The following KLHL13 variants were observed in gnomAD, a reference collection of about 807,000 sequenced individuals.
The protein encoded by KLHL13 is kelch like family member 13, also known as kelch-like protein 13.
A neutral mutation model predicts 37.1 loss-of-function variants in KLHL13; 10 were observed. The observed-to-expected ratio is 0.27, with a 90% CI of 0.17 to 0.46. The LOEUF is 0.46. KLHL13 is among the 20% of genes least tolerant of loss of function. KLHL13 has a pLI of 1.00. For synonymous variants in KLHL13, 163 were observed against 181.2 expected, an observed-to-expected ratio of 0.90 and a Z score of 0.81; for missense variants, 360 against 509.3, an observed-to-expected ratio of 0.71 and a Z score of 2.82.
At chrX:117,993,647 G>A (rs1321933464) in intron 1 of KLHL13, among the ~76,000 whole-genome samples, 1 of 110,807 alleles carries the variant, frequency 9.0e-6, no homozygotes, top group Non-Finnish European at 1.9e-5. Flanking sequence ...AGGGAGAGAG[G>A]AAGCCCAGAG....
intron 1 of KLHL13, among the ~76,000 whole-genome samples, chrX:118,004,870 C>G (rs2053964353): frequency 1.8e-5 from 2 of 111,421 alleles, no homozygotes; most frequent in South Asian, 7.6e-4. Flanking sequence ...GCAATTCCTG[C>G]TGAAGAAGCA....
intron 1 of KLHL13, among the ~76,000 whole-genome samples, chrX:117,967,550 G>GAT (rs1339497288): frequency 9.0e-6 from 1 of 111,361 alleles, no homozygotes; most frequent in Admixed American, 9.6e-5. Context: ...TCCCTCTGTA[G>GAT]AAAGTGGTTT....
chrX:118,094,261 G>T (rs187200555), intron 1 of KLHL13, among the ~76,000 whole-genome samples: 301 of 111,383 alleles, frequency 2.7e-3, no homozygotes, highest in African/African-American at 9.2e-3. Context: ...CTCAGTAGCC[G>T]ATGCGATCAA....
At chrX:117,901,991 T>A in intron 5 of KLHL13, 45 bp from the exon 7 acceptor site, 5 of 690,129 alleles carry the variant, frequency 7.2e-6, no homozygotes, top group Non-Finnish European at 1.1e-5. Context: ...AACTTCAAAT[T>A]TAGCAATTAA....
At position 118,072,667 on chromosome X, in the gene KLHL13, G is replaced by A. The variant is rs147913400; in HGVS notation, c.-56+43841C>T. On this transcript the variant is annotated intron_variant, in intron 1 of 6. Transcript: ENST00000371882. ...CAAACAACCCCATCAAAAAGTGGGCGAAGGACATGAACAGATTTGTCATTT... is the reference window on the plus strand; with the variant it reads ...CAAACAACCCCATCAAAAAGTGGGCAAAGGACATGAACAGATTTGTCATTT... 9.3e-3 allele frequency among the ~76,000 whole-genome samples: 1,037 copies of A among 111,820 alleles called. 7 individuals carry two copies. Among genetic ancestry groups the A allele is most frequent in the Non-Finnish European group, 0.013 (689 of 53,118 alleles).
At chrX:117,904,222 A>G (rs965111192) in intron 5 of KLHL13, among the ~76,000 whole-genome samples, 1 of 111,568 alleles carries the variant, frequency 9.0e-6, no homozygotes, top group Admixed American at 9.6e-5. Flanking sequence ...TTTTATTGTC[A>G]ACTTTTATTG....
intron 1 of KLHL13, among the ~76,000 whole-genome samples, chrX:118,032,152 C>T (rs1444794798): frequency 2.7e-5 from 3 of 111,274 alleles, no homozygotes; most frequent in Non-Finnish European, 5.6e-5. Context: ...AAGGCGGCAG[C>T]GAGGCTGGGG....
At chrX:118,012,425 G>A (rs2054080033) in intron 1 of KLHL13, among the ~76,000 whole-genome samples, 1 of 110,003 alleles carries the variant, frequency 9.1e-6, no homozygotes, top group South Asian at 4.0e-4. Context: ...CTGCATTCTT[G>A]GCTTGTGGCA....
At chrX:118,017,480 C>T (rs764433299) in intron 1 of KLHL13, among the ~76,000 whole-genome samples, 4 of 111,270 alleles carry the variant, frequency 3.6e-5, no homozygotes, top group African/African-American at 1.3e-4. Context: ...AATGAACTAA[C>T]CAATTGGTTA....
At chrX:118,051,550 A>G (rs1355306345) in intron 1 of KLHL13, among the ~76,000 whole-genome samples, 3 of 110,429 alleles carry the variant, frequency 2.7e-5, no homozygotes, top group African/African-American at 9.9e-5. Flanking sequence ...CAAAAAAAGT[A>G]ATAAATAAAT....
At chrX:117,973,885 A>C, upstream of KLHL13, 30 of 182,053 alleles carry the variant, frequency 1.6e-4, no homozygotes, top group East Asian at 5.7e-4. Flanking sequence ...AAAGACCAAC[A>C]CTGCTGGCCA....
intron 5 of KLHL13, among the ~76,000 whole-genome samples, chrX:117,903,658 A>G (rs184249073): frequency 1.7e-3 from 184 of 111,014 alleles, no homozygotes; most frequent in African/African-American, 5.9e-3. Context: ...TCGCCACATA[A>G]GAGAAAACCT....
chrX:117,985,970 A>C (rs1385113600), intron 1 of KLHL13, among the ~76,000 whole-genome samples: 1 of 111,234 alleles, frequency 9.0e-6, no homozygotes, highest in Non-Finnish European at 1.9e-5. Context: ...ATAAAACTAC[A>C]CATGATGTAA....
chrX:118,030,999 T>C (rs1221951511), intron 1 of KLHL13, among the ~76,000 whole-genome samples: 1 of 111,693 alleles, frequency 9.0e-6, no homozygotes, highest in Non-Finnish European at 1.9e-5. Context: ...ATTCAGATTC[T>C]CCAGAAAATA....
At chrX:117,963,943 C>G (rs2053358177) in intron 1 of KLHL13, among the ~76,000 whole-genome samples, 1 of 88,104 alleles carries the variant, frequency 1.1e-5, no homozygotes, top group Admixed American at 1.4e-4. Flanking sequence ...ATCGCAAGAA[C>G]AAAAAACCAA....
chrX:117,919,218 T>A (rs182879435), intron 4 of KLHL13, among the ~76,000 whole-genome samples: 2 of 112,052 alleles, frequency 1.8e-5, no homozygotes, highest in Admixed American at 9.5e-5. Context: ...GAGACGGGCT[T>A]TCTCCATGTT....
chrX:117,995,255 T>C (rs1002079255), intron 1 of KLHL13, among the ~76,000 whole-genome samples: 1 of 111,336 alleles, frequency 9.0e-6, no homozygotes, highest in Non-Finnish European at 1.9e-5. Context: ...ACTAATAATT[T>C]CTCATAAAAA....
At chrX:117,937,041 G>GTCC (rs1188653245) in intron 2 of KLHL13, among the ~76,000 whole-genome samples, 1 of 111,644 alleles carries the variant, frequency 9.0e-6, no homozygotes, top group Non-Finnish European at 1.9e-5. Context: ...GCAGAGTGAG[G>GTCC]CTTATTACAA....
chrX:117,927,878 T>C (rs983211344), intron 2 of KLHL13, among the ~76,000 whole-genome samples: 20 of 111,697 alleles, frequency 1.8e-4, no homozygotes, highest in African/African-American at 6.2e-4. Flanking sequence ...GCTGAGGTCA[T>C]GGAATGGTTC....
Sources: gnomAD v4.1 joint callset for allele counts (sites outside exome capture counted in the v4.1 genomes callset) on GRCh38, gnomAD v4.1.1 for gene constraint, MANE v1.5 for transcripts, NCBI Gene and HGNC (gene_info 2026-07-23, HGNC 2026-07-21) for gene names.